MYRFL: variants seen among roughly 807,000 people sequenced by gnomAD.
MYRFL encodes the protein myelin regulatory factor like, also known as myelin regulatory factor-like protein.
MYRFL carries 88 observed loss-of-function variants against 109.4 expected under a neutral mutation model. The observed-to-expected ratio is 0.80, with a 90% CI of 0.68 to 0.96. MYRFL has a LOEUF of 0.96. MYRFL is among the 40% of genes least tolerant of loss of function. The pLI, the probability that MYRFL is intolerant of heterozygous loss-of-function variation, is 0.00. For synonymous variants in MYRFL, 324 were observed against 320.9 expected, an observed-to-expected ratio of 1.01 and a Z score of -0.10; for missense variants, 957 against 954.9, an observed-to-expected ratio of 1.00 and a Z score of -0.03.
At chr12:69,827,313 C>A (rs1443605845) in intron 1 of MYRFL, among the ~76,000 whole-genome samples, 1 of 151,866 alleles carries the variant, frequency 6.6e-6, no homozygotes, top group Non-Finnish European at 1.5e-5. Flanking sequence ...AATTAAATGG[C>A]CTTGACTGTC....
chr12:69,873,499 T>C (rs182435382), intron 2 of MYRFL, among the ~76,000 whole-genome samples: 4 of 152,354 alleles, frequency 2.6e-5, no homozygotes, highest in African/African-American at 9.6e-5. Flanking sequence ...TTTACATGTC[T>C]TGTGTTTGGA....
chr12:69,882,236 AC>A (rs1444715805), intron 5 of MYRFL, among the ~76,000 whole-genome samples: 2 of 152,166 alleles, frequency 1.3e-5, no homozygotes, highest in Non-Finnish European at 2.9e-5. Flanking sequence ...TGAAAAGCTG[AC>A]TAAAGATAAC....
intron 1 of MYRFL, among the ~76,000 whole-genome samples, chr12:69,853,556 G>A (rs571695316): frequency 3.4e-5 from 5 of 147,684 alleles, no homozygotes; most frequent in South Asian, 4.4e-4. Flanking sequence ...CTCAGACGAC[G>A]GGCGGCCAGG....
At chr12:69,945,520 C>A (rs1955805042) in intron 19 of MYRFL, among the ~76,000 whole-genome samples, 1 of 152,156 alleles carries the variant, frequency 6.6e-6, no homozygotes, top group Admixed American at 6.5e-5. Context: ...GTAGGCTATA[C>A]AATCTAGGTT....
intron 2 of MYRFL, among the ~76,000 whole-genome samples, chr12:69,873,974 C>A (rs1404526783): frequency 6.6e-6 from 1 of 151,806 alleles, no homozygotes; most frequent in Non-Finnish European, 1.5e-5. Context: ...CATTATTTAA[C>A]TTTTTACAGT....
intron 13 of MYRFL, among the ~76,000 whole-genome samples, chr12:69,917,316 G>T (rs1415848584): frequency 2.0e-5 from 3 of 148,092 alleles, no homozygotes; most frequent in African/African-American, 7.4e-5. Flanking sequence ...TAAACAAACT[G>T]TAAACTTGTT....
Position 69,946,105 on chromosome 12 carries a change from T to G in MYRFL, c.2225-6008T>G, listed in dbSNP as rs181439093. Among the ~76,000 whole-genome samples, 268 of 152,028 alleles carry G rather than the reference T, an allele frequency of 1.8e-3. 2 individuals are homozygous for G. Among genetic ancestry groups the G allele is most frequent in the African/African-American group, 6.2e-3 (256 of 41,482 alleles). On this transcript the variant is annotated intron_variant, in intron 19 of 24. Transcript: ENST00000552032. ...AATGTATACTAATTTATTATTGTTT[T>G]TAGAAATGTTCCCCTAAAAGCAGTA...
At chr12:69,894,255 C>T (rs1307513587) in intron 8 of MYRFL, among the ~76,000 whole-genome samples, 1 of 152,044 alleles carries the variant, frequency 6.6e-6, no homozygotes, top group Non-Finnish European at 1.5e-5. Flanking sequence ...GGCTCAGCCT[C>T]CCAAGGTGCT....
intron 1 of MYRFL, among the ~76,000 whole-genome samples, chr12:69,846,738 G>T (rs1168537227): frequency 6.6e-6 from 1 of 152,086 alleles, no homozygotes; most frequent in South Asian, 2.1e-4. Context: ...GGGTCAAATG[G>T]TATTTCTAGT....
intron 1 of MYRFL, among the ~76,000 whole-genome samples, chr12:69,854,405 A>C (rs1884143722): frequency 6.6e-6 from 1 of 151,482 alleles, no homozygotes; most frequent in South Asian, 2.1e-4. Context: ...TGTTTTTGAG[A>C]TGGAGACTCA....
rs1226660589 is a variant in MYRFL, at chr12:69,913,285, G to C, written c.1602+2355G>C. On this transcript the variant is annotated intron_variant, in intron 13 of 24. Coordinates refer to ENST00000552032, the MANE Select transcript of MYRFL (RefSeq NM_182530.3). ...TTCACTTTCTTAATAGTGTCTTTAT[G>C]TACAAAAGTTTTAAATTTTAATGAT... Among the ~76,000 whole-genome samples the C allele has an allele frequency of 2.6e-5, 4 of 152,094 alleles. No homozygotes were observed. The East Asian group carries it at 7.7e-4, about 29-fold the overall frequency.
At chr12:69,863,582 C>T (rs186305235) in intron 2 of MYRFL, among the ~76,000 whole-genome samples, 1 of 152,246 alleles carries the variant, frequency 6.6e-6, no homozygotes, top group Non-Finnish European at 1.5e-5. Context: ...TTCTCTTTCC[C>T]TTTTATATTG....
At chr12:69,956,644 C>T (rs1299855303) in intron 22 of MYRFL, among the ~76,000 whole-genome samples, 1 of 151,884 alleles carries the variant, frequency 6.6e-6, no homozygotes, top group Non-Finnish European at 1.5e-5. Flanking sequence ...TTTCCTCCTC[C>T]ATCCTTCACC....
intron 13 of MYRFL, among the ~76,000 whole-genome samples, chr12:69,915,112 A>G (rs1954692045): frequency 6.6e-6 from 1 of 152,214 alleles, no homozygotes; most frequent in Non-Finnish European, 1.5e-5. Context: ...TTAAGAATAC[A>G]GGTAAAGTGG....
intron 1 of MYRFL, among the ~76,000 whole-genome samples, chr12:69,854,360 AGG>A: frequency 6.6e-6 from 1 of 150,602 alleles, no homozygotes; most frequent in Non-Finnish European, 1.5e-5. Flanking sequence ...GGAGAGGGAG[AGG>A]GAGAGGGAGA....
At chr12:69,955,290 T>C (rs1592905485) in intron 21 of MYRFL, 73 bp from the exon 22 acceptor site, 1 of 549,858 alleles carries the variant, frequency 1.8e-6, no homozygotes, top group Non-Finnish European at 3.2e-6. Context: ...TGGTATATAA[T>C]GAGTAGCAAA....
At chr12:69,945,537 G>A (rs569933182) in intron 19 of MYRFL, among the ~76,000 whole-genome samples, 46 of 152,276 alleles carry the variant, frequency 3.0e-4, no homozygotes, top group African/African-American at 1.1e-3. Flanking sequence ...GGTTTGTGAA[G>A]TACACTTTGT....
At position 69,936,323 on chromosome 12, in the gene MYRFL, G is replaced by C. The variant is rs908308766; in HGVS notation, c.2032G>C (p.Ala678Pro). 2.0e-6 allele frequency: 3 copies of C among 1,536,018 alleles called. No individual in the cohort carries two copies. Among genetic ancestry groups the C allele is most frequent in the Non-Finnish European group, 1.7e-6 (2 of 1,146,802 alleles). Residue 678 changes from alanine (A) to proline (P), a missense_variant, in exon 18 of 25, where the codon GCC (alanine) becomes CCC (proline). Transcript: ENST00000552032. The part of the protein sequence containing the change: ...SSQEPALLPT[A>P]SSSAPNTSLV... ...ACAGGAGCCAGCTCTGCTGCCCACA[G>C]CCTCCTCCTCAGGTAAAGGCTTCAC...
rs977469740 is a variant in MYRFL, at chr12:69,878,925, C to T, written c.138-103C>T. The T allele has an allele frequency of 4.4e-6, 3 of 688,722 alleles. No homozygotes were observed. In the Admixed American group the frequency reaches 6.1e-5, roughly 14 times the overall value. The allele number at this position is 688,722 out of a possible 1,614,324, so 42.7% of individuals were successfully genotyped here. A position where few individuals can be genotyped will look rare whatever the true frequency, so the allele number is the denominator to read the frequency against. On this transcript the variant is annotated intron_variant, in intron 2 of 24. Transcript: ENST00000552032. ...ACCCCCCCATGCCCAGCACCTGGAA[C>T]CATCACTGTGGGGGCTGTACACTGA...
Sources: gnomAD v4.1 joint callset for allele counts (sites outside exome capture counted in the v4.1 genomes callset) on GRCh38, gnomAD v4.1.1 for gene constraint, MANE v1.5 for transcripts, NCBI Gene and HGNC (gene_info 2026-07-23, HGNC 2026-07-21) for gene names.